Variants in KIRREL3 observed in about 807,000 individuals in gnomAD.
KIRREL3 encodes the protein kin of IRRE-like protein 3.
KIRREL3 carries 36 observed loss-of-function variants against 89.7 expected under a neutral mutation model. The observed-to-expected ratio is 0.40, with a 90% CI of 0.31 to 0.53. The LOEUF is 0.53. Ranked by LOEUF, KIRREL3 falls within the 20% of genes least tolerant of loss-of-function variation. The pLI, the probability that KIRREL3 is intolerant of heterozygous loss-of-function variation, is 0.49. For synonymous variants in KIRREL3, 445 were observed against 441.4 expected, an observed-to-expected ratio of 1.01 and a Z score of -0.10; for missense variants, 864 against 1,056.6, an observed-to-expected ratio of 0.82 and a Z score of 2.53.
At chr11:126,618,972 C>A (rs114863622) in intron 1 of KIRREL3, among the ~76,000 whole-genome samples, 3,345 of 152,308 alleles carry the variant, frequency 0.022, 121 homozygotes, top group African/African-American at 0.074. Context: ...TAGAACCTGG[C>A]AGGCCAGACA....
chr11:126,788,430 C>T lies in KIRREL3; in HGVS notation c.55+212025G>A, dbSNP rs771675008. ...AGACAGGGCTGTGCTTCTTCCCTTG[C>T]CTCCTCTGTCCATGTTCTAACAGGA... is the stretch of plus-strand genomic sequence containing the variant. On this transcript the variant is annotated intron_variant, in intron 1 of 16. Transcript: ENST00000525144. This position sits in a 1 kb window ranked among gnomAD's most constrained non-coding sequence, Gnocchi z 4.1. Among the ~76,000 whole-genome samples, 35 of 152,198 alleles carry T rather than the reference C, an allele frequency of 2.3e-4. No homozygotes were observed. The highest frequency in any genetic ancestry group is 4.6e-4 in the Non-Finnish European group (31 of 68,042).
upstream of KIRREL3, among the ~76,000 whole-genome samples, chr11:127,002,577 T>C (rs922592871): frequency 6.6e-6 from 1 of 152,206 alleles, no homozygotes; most frequent in African/African-American, 2.4e-5. Flanking sequence ...TAACTCTATG[T>C]ATAGCGCCGT....
chr11:126,663,663 C>T (rs936447464), intron 1 of KIRREL3, among the ~76,000 whole-genome samples: 1 of 152,166 alleles, frequency 6.6e-6, no homozygotes, highest in Non-Finnish European at 1.5e-5. Context: ...GGAAGTGGCA[C>T]ATGACATGTC....
rs1369499667 is a variant in KIRREL3, at chr11:126,565,372, GA to G, written c.56-2461del. ...ACTAAGAGTCTCACTGATTATGTTT[GA>G]TTTTTGCAAATGAGCAGGAAAAGAA... On this transcript the variant is annotated intron_variant, in intron 1 of 16. Coordinates refer to ENST00000525144, the MANE Select transcript of KIRREL3 (RefSeq NM_032531.4). The surrounding 1 kb of genome is among the most constrained non-coding windows in gnomAD (Gnocchi z 5.4). 6.6e-6 allele frequency among the ~76,000 whole-genome samples: 1 copy of G among 152,180 alleles called. No homozygotes were observed. The highest frequency in any genetic ancestry group is 6.5e-5 in the Admixed American group (1 of 15,274).
At chr11:126,479,269 G>A (rs1360731155) in intron 4 of KIRREL3, among the ~76,000 whole-genome samples, 2 of 152,094 alleles carry the variant, frequency 1.3e-5, no homozygotes, top group Non-Finnish European at 2.9e-5. Flanking sequence ...CAGGTTCCCC[G>A]CTGCAGCCCT....
chr11:126,918,323 C>A lies in KIRREL3; in HGVS notation c.55+82132G>T, dbSNP rs577205359. On this transcript the variant is annotated intron_variant, in intron 1 of 16. Coordinates refer to ENST00000525144, the MANE Select transcript of KIRREL3 (RefSeq NM_032531.4). This position sits in a 1 kb window ranked among gnomAD's most constrained non-coding sequence, Gnocchi z 6.5. ...CATGATTTAATAGTAGATGAGAAGA[C>A]TTTGCCACACCATGGTACCTCCCCC... 1.3e-5 allele frequency among the ~76,000 whole-genome samples: 2 copies of A among 152,278 alleles called. No homozygotes were observed. Among genetic ancestry groups the A allele is most frequent in the East Asian group, 1.9e-4 (1 of 5,186 alleles).
In KIRREL3 at chr11:126,719,054, T is replaced by C. The variant is rs1342672670; in HGVS notation, c.56-156142A>G. Among the ~76,000 whole-genome samples the C allele has an allele frequency of 6.6e-6, 1 of 152,238 alleles. No individual in the cohort carries two copies. Among genetic ancestry groups the C allele is most frequent in the South Asian group, 2.1e-4 (1 of 4,826 alleles). ...ATGGAGAAGCCTTTCTCATGTTTGT[T>C]TTCCTCCTGCTATACCTCCTTTGCT... On this transcript the variant is annotated intron_variant, in intron 1 of 16. Transcript: ENST00000525144. The surrounding 1 kb of genome is among the most constrained non-coding windows in gnomAD (Gnocchi z 4.7).
chr11:126,636,748 C>G lies in KIRREL3; in HGVS notation c.56-73836G>C, dbSNP rs532297625. On this transcript the variant is annotated intron_variant, in intron 1 of 16. Coordinates refer to ENST00000525144, the MANE Select transcript of KIRREL3 (RefSeq NM_032531.4). The surrounding 1 kb of genome is among the most constrained non-coding windows in gnomAD (Gnocchi z 4.4). ...CTAAGCTAGGCCCTTTGTACCACCT[C>G]AGAACAGCAGGGGATGCAGCAATAA... is the stretch of plus-strand genomic sequence containing the variant. Among the ~76,000 whole-genome samples the G allele has an allele frequency of 6.6e-6, 1 of 152,188 alleles. No homozygotes were observed. Among genetic ancestry groups the G allele is most frequent in the Non-Finnish European group, 1.5e-5 (1 of 68,042 alleles).
intron 1 of KIRREL3, among the ~76,000 whole-genome samples, chr11:126,930,107 A>T (rs1401147557): frequency 1.3e-5 from 2 of 151,800 alleles, no homozygotes; most frequent in Non-Finnish European, 2.9e-5. Flanking sequence ...GTGTGCTTAA[A>T]AAAAAAAAAC....
chr11:126,661,628 G>C (rs1048299311), intron 1 of KIRREL3, among the ~76,000 whole-genome samples: 3 of 152,158 alleles, frequency 2.0e-5, no homozygotes, highest in Non-Finnish European at 2.9e-5. Context: ...TTCCAGGATG[G>C]ATTTCTGAGG....
At position 126,459,169 on chromosome 11, in the gene KIRREL3, C is replaced by T. The variant is rs1170154082; in HGVS notation, c.743-2715G>A. Among the ~76,000 whole-genome samples the T allele has an allele frequency of 6.6e-6, 1 of 152,108 alleles. No homozygotes were observed. Among genetic ancestry groups the T allele is most frequent in the Non-Finnish European group, 1.5e-5 (1 of 68,020 alleles). On this transcript the variant is annotated intron_variant, in intron 6 of 16. Transcript: ENST00000525144. This position sits in a 1 kb window ranked among gnomAD's most constrained non-coding sequence, Gnocchi z 4.8. ...AAGTCTGGTTTGAGGAGGTGAGTGC[C>T]AGTCCCATAGGCTCAAGGGACCCGC...
intron 1 of KIRREL3, among the ~76,000 whole-genome samples, chr11:126,718,802 G>A (rs959827528): frequency 5.3e-5 from 8 of 152,122 alleles, no homozygotes; most frequent in Non-Finnish European, 1.0e-4. Context: ...AGGGATTAGG[G>A]TCACACCACC....
chr11:126,821,044 G>GA (rs1414177652), intron 1 of KIRREL3, among the ~76,000 whole-genome samples: 9 of 152,020 alleles, frequency 5.9e-5, no homozygotes, highest in African/African-American at 1.9e-4. Flanking sequence ...TCTCTCTTGG[G>GA]ACTGCAAAAG....
chr11:126,737,495 G>A (rs369751585), intron 1 of KIRREL3, among the ~76,000 whole-genome samples: 12 of 152,186 alleles, frequency 7.9e-5, no homozygotes, highest in Admixed American at 2.0e-4. Context: ...GAGTCACACC[G>A]CCCCATGGAT....
At position 126,755,044 on chromosome 11, in the gene KIRREL3, G is replaced by A. The variant is rs919727909; in HGVS notation, c.56-192132C>T. Among the ~76,000 whole-genome samples the A allele has an allele frequency of 1.3e-5, 2 of 152,170 alleles. No homozygotes were observed. The highest frequency in any genetic ancestry group is 2.1e-4 in the South Asian group (1 of 4,822). On this transcript the variant is annotated intron_variant, in intron 1 of 16. Coordinates refer to ENST00000525144, the MANE Select transcript of KIRREL3 (RefSeq NM_032531.4). The surrounding 1 kb of genome is among the most constrained non-coding windows in gnomAD (Gnocchi z 4.3). ...GTTTAAATTGGGCCCAAGGAACCCA[G>A]ATAAGAGTATCTTAATCAAATAAAA...
At position 126,564,342 on chromosome 11, in the gene KIRREL3, G is replaced by A. The variant is rs1174137024; in HGVS notation, c.56-1430C>T. On this transcript the variant is annotated intron_variant, in intron 1 of 16. Coordinates refer to ENST00000525144, the MANE Select transcript of KIRREL3 (RefSeq NM_032531.4). This position sits in a 1 kb window ranked among gnomAD's most constrained non-coding sequence, Gnocchi z 7.4. ...CATAGCAGGATGAAAGAGAGTGCAG[G>A]GCCCATGAGACACAGATAAGTCAAG... 6.6e-6 allele frequency among the ~76,000 whole-genome samples: 1 copy of A among 152,150 alleles called. No individual in the cohort carries two copies. The highest frequency in any genetic ancestry group is 2.4e-5 in the African/African-American group (1 of 41,428).
At position 126,909,883 on chromosome 11, in the gene KIRREL3, T is replaced by G. The variant is rs577488198; in HGVS notation, c.55+90572A>C. Among the ~76,000 whole-genome samples, 1 of 152,332 alleles carries G rather than the reference T, an allele frequency of 6.6e-6. No homozygotes were observed. The highest frequency in any genetic ancestry group is 2.4e-5 in the African/African-American group (1 of 41,570). ...GTCTGTGATATGGATATGATATTTT[T>G]TTATTGCAATAATAAGTTTCTCAAC... On this transcript the variant is annotated intron_variant, in intron 1 of 16. Coordinates refer to ENST00000525144, the MANE Select transcript of KIRREL3 (RefSeq NM_032531.4). The surrounding 1 kb of genome is among the most constrained non-coding windows in gnomAD (Gnocchi z 4.5).
Position 126,821,329 on chromosome 11 carries a change from G to GTATATATATATATATATATATATATA in KIRREL3, c.55+179125_55+179126insTATATATATATATATATATATATATA, listed in dbSNP as rs6144553. On this transcript the variant is annotated intron_variant, in intron 1 of 16. Transcript: ENST00000525144. ...TTTCATGGGTCAACGGATAAACACA[G>GTATATATATATATATATATATATATA]TATATATATATATATATATATATGT... Among the ~76,000 whole-genome samples the GTATATATATATATATATATATATATA allele has an allele frequency of 1.2e-3, 128 of 103,444 alleles. 2 individuals are homozygous for GTATATATATATATATATATATATATA. The highest frequency in any genetic ancestry group is 4.3e-3 in the African/African-American group (85 of 19,950). 67.9% of individuals were successfully genotyped at this position (103,444 alleles called of 152,430 possible). A position where few individuals can be genotyped will look rare whatever the true frequency, so the allele number is the denominator to read the frequency against.
chr11:126,663,407 G>A (rs1057273744), intron 1 of KIRREL3, among the ~76,000 whole-genome samples: 2 of 151,892 alleles, frequency 1.3e-5, no homozygotes, highest in Non-Finnish European at 2.9e-5. Context: ...GGATGGTCTC[G>A]ATGTCCTGAC....
Sources: gnomAD v4.1 joint callset for allele counts (sites outside exome capture counted in the v4.1 genomes callset) on GRCh38, gnomAD v4.1.1 for gene constraint, Gnocchi (gnomAD v3.1) non-coding constraint, MANE v1.5 for transcripts, NCBI Gene and HGNC (gene_info 2026-07-23, HGNC 2026-07-21) for gene names.